TK1: variants seen among roughly 807,000 people sequenced by gnomAD.
TK1 encodes thymidine kinase 1.
A neutral mutation model predicts 22.4 loss-of-function variants in TK1; 13 were observed. The ratio of observed to expected loss-of-function variants is 0.58; its 90% CI spans 0.38 to 0.92. The LOEUF (loss-of-function observed/expected upper bound fraction) is 0.92. Ranked by LOEUF, TK1 falls within the 40% of genes least tolerant of loss-of-function variation. The probability of loss-of-function intolerance (pLI) is 0.00; values close to 1 mark genes in which losing one functional copy is unlikely to be tolerated. For missense variants in TK1, 251 were observed against 315.7 expected, an observed-to-expected ratio of 0.80 and a Z score of 1.55; for synonymous variants, 134 against 125.4, an observed-to-expected ratio of 1.07 and a Z score of -0.46.
chr17:78,174,861 G>A lies in TK1; in HGVS notation c.603C>T (p.Asp201=), dbSNP rs373667140. The change falls in exon 7 of 7, where the codon GAC becomes GAT. Residue 201 remains aspartate, a synonymous_variant. Coordinates refer to ENST00000301634, the MANE Select transcript of TK1 (RefSeq NM_003258.5). ...CTGGCACTGGGCAGTTCTCTTTGTT[G>A]TCCGGCCCGGCAGGCTGGCCTGAGG... ...KKASGQPAGP[D]NKENCPVPGK... 6.8e-6 allele frequency: 11 copies of A among 1,613,724 alleles called. No homozygotes were observed. Among genetic ancestry groups the A allele is most frequent in the Non-Finnish European group, 5.9e-6 (7 of 1,179,842 alleles).
intron 3 of TK1, among the ~76,000 whole-genome samples, chr17:78,184,264 G>A (rs1262629304): frequency 6.6e-6 from 1 of 152,176 alleles, no homozygotes; most frequent in Non-Finnish European, 1.5e-5. Context: ...AAGGCCACAC[G>A]CCGGGTGGAT....
intron 4 of TK1, among the ~76,000 whole-genome samples, chr17:78,181,965 C>T (rs79051083): frequency 0.014 from 2,183 of 151,968 alleles, 58 homozygotes; most frequent in African/African-American, 0.049. Context: ...CTATGTTGCC[C>T]AGGTGAGTCT....
At position 78,184,013 on chromosome 17, in the gene TK1, T is replaced by C. The variant is rs149169445; in HGVS notation, c.209+1042A>G. Among the ~76,000 whole-genome samples, 65 of 152,348 alleles carry C rather than the reference T, an allele frequency of 4.3e-4. 1 individual carries two copies. Among genetic ancestry groups the C allele is most frequent in the African/African-American group, 1.3e-3 (55 of 41,582 alleles). On this transcript the variant is annotated intron_variant, in intron 3 of 6. Coordinates refer to ENST00000301634, the MANE Select transcript of TK1 (RefSeq NM_003258.5). ...CCCGGATCTGACTGACTCCAGAAGTTGTACTTCCAACAGCTGGAACGAAGT... is the reference window on the plus strand; with the variant it reads ...CCCGGATCTGACTGACTCCAGAAGTCGTACTTCCAACAGCTGGAACGAAGT...
chr17:78,175,021 C>T lies in TK1; in HGVS notation c.513+29G>A, dbSNP rs374387678. The T allele has an allele frequency of 1.9e-5, 31 of 1,611,510 alleles. No individual in the cohort carries two copies. In the Admixed American group the frequency reaches 2.3e-4, roughly 12 times the overall value. The stretch of plus-strand genomic sequence containing the variant: ...AGGCAGAGCCATACCCCCACCCCGC[C>T]GGCCTGCAGGGAAGGCAGGTGGAGC... On this transcript the variant is annotated intron_variant, in intron 6 of 6. Transcript: ENST00000301634.
chr17:78,175,016 C>T (rs769339359), intron 6 of TK1, 34 bp downstream of exon 6: 1 of 1,611,014 alleles, frequency 6.2e-7, no homozygotes, highest in Non-Finnish European at 8.5e-7. Context: ...ATACCCCCAC[C>T]CCGCCGGCCT....
In TK1 at chr17:78,175,639, AAG is replaced by A. The variant is rs375127389; in HGVS notation, c.304-23_304-22del. 930 of 1,609,130 alleles carry A rather than the reference AAG, an allele frequency of 5.8e-4. 3 individuals are homozygous for A. The African/African-American group carries it at 8.4e-3, about 15-fold the overall frequency. ...GGGAACTGGAAAGGGCACGTGGAGA[AAG>A]AGTGTGAGAGCTTCCACCCCAGCAG... On this transcript the variant is annotated intron_variant, in intron 4 of 6. Coordinates refer to ENST00000301634, the MANE Select transcript of TK1 (RefSeq NM_003258.5).
chr17:78,183,490 C>T (rs868159084), intron 3 of TK1, among the ~76,000 whole-genome samples: 35 of 152,170 alleles, frequency 2.3e-4, no homozygotes, highest in African/African-American at 7.2e-4. Flanking sequence ...CTCAGGAGTT[C>T]GAGACCAGCC....
chr17:78,186,706 AGGGAAGGGGAGGGG>A, intron 2 of TK1, 67 bp downstream of exon 2: 1 of 885,762 alleles, frequency 1.1e-6, no homozygotes, highest in Non-Finnish European at 1.5e-6. Context: ...AGGGGAGGGG[AGGGAAGGGGAGGGG>A]AGGGACGGGA....
upstream of TK1, chr17:78,187,053 C>T (rs769335233): frequency 3.9e-6 from 6 of 1,550,044 alleles, no homozygotes; most frequent in East Asian, 1.4e-4. Context: ...GCAGTAAGCC[C>T]CTGGTTCCCG....
At chr17:78,175,435 G>A (rs1460566676) in intron 5 of TK1, 94 bp downstream of exon 5, 1 of 1,302,126 alleles carries the variant, frequency 7.7e-7, no homozygotes, top group African/African-American at 1.5e-5. Flanking sequence ...TGTGGTGGCT[G>A]AGCCCTGGTC....
chr17:78,183,449 T>C (rs11653181), intron 3 of TK1, among the ~76,000 whole-genome samples: 18,063 of 152,178 alleles, frequency 0.12, 1,604 homozygotes, highest in East Asian at 0.36. Flanking sequence ...CCGTAATCTT[T>C]GGGGAGGCCA....
chr17:78,185,400 G>A (rs1395021223), intron 2 of TK1, among the ~76,000 whole-genome samples: 1 of 152,182 alleles, frequency 6.6e-6, no homozygotes, highest in Non-Finnish European at 1.5e-5. Context: ...GTCCCAGGAA[G>A]TGTGGGAGGA....
chr17:78,174,955 C>T lies in TK1; in HGVS notation c.514-5G>A, dbSNP rs756701336. ...TGCTCCCCCAATCACCTCGACCTGG[C>T]CGCAGGGACAGGGGATGGGTGAAGG... On this transcript the variant is annotated splice_polypyrimidine_tract_variant and splice_region_variant and intron_variant, in intron 6 of 6. Coordinates refer to ENST00000301634, the MANE Select transcript of TK1 (RefSeq NM_003258.5). 5 of 1,611,936 alleles carry T rather than the reference C, an allele frequency of 3.1e-6. No individual in the cohort carries two copies. Among genetic ancestry groups the T allele is most frequent in the Non-Finnish European group, 4.2e-6 (5 of 1,178,486 alleles).
intron 2 of TK1, 121 bp from the exon 3 acceptor site, chr17:78,185,286 C>A: frequency 1.4e-6 from 1 of 701,452 alleles, no homozygotes. Flanking sequence ...CCCACCACAG[C>A]CAGAAAAGAG....
intron 2 of TK1, among the ~76,000 whole-genome samples, chr17:78,186,451 G>A (rs1193313939): frequency 6.6e-6 from 1 of 152,018 alleles, no homozygotes; most frequent in Non-Finnish European, 1.5e-5. Flanking sequence ...CTGGCCTACA[G>A]GGGACACAAC....
In TK1 at chr17:78,178,394, C is replaced by T. The variant is rs762543; in HGVS notation, c.304-2776G>A. On this transcript the variant is annotated intron_variant, in intron 4 of 6. Coordinates refer to ENST00000301634, the MANE Select transcript of TK1 (RefSeq NM_003258.5). ...GAGCAGTGTGAGCACCTGTGTGTCT[C>T]GCCCGGGGTACAAAGAAGCACAGAA... is the stretch of plus-strand genomic sequence containing the variant. Among the ~76,000 whole-genome samples, 723 of 152,234 alleles carry T rather than the reference C, an allele frequency of 4.7e-3. 5 individuals are homozygous for T. Among genetic ancestry groups the T allele is most frequent in the African/African-American group, 0.016 (652 of 41,528 alleles).
chr17:78,180,903 G>A (rs1351958584), intron 4 of TK1, among the ~76,000 whole-genome samples: 1 of 152,188 alleles, frequency 6.6e-6, no homozygotes, highest in East Asian at 1.9e-4. Context: ...TTAGAGAGAT[G>A]GCGGCCTTCC....
Position 78,174,600 on chromosome 17 carries a change from G to A in TK1, c.*159C>T, listed in dbSNP as rs1027208070. On this transcript the variant is annotated 3_prime_UTR_variant, in exon 7 of 7. Coordinates refer to ENST00000301634, the MANE Select transcript of TK1 (RefSeq NM_003258.5). Reference sequence around the variant, plus strand: ...GTGGGTAGGAGAGGAGGGAGCATGCGGCAGGTGGGGCAGCCACACAAAGGA... The same window carrying A: ...GTGGGTAGGAGAGGAGGGAGCATGCAGCAGGTGGGGCAGCCACACAAAGGA... 44 of 763,062 alleles carry A rather than the reference G, an allele frequency of 5.8e-5. No homozygotes were observed. In the Middle Eastern group the frequency reaches 1.9e-3, roughly 33 times the overall value. 47.3% of individuals were successfully genotyped at this position (763,062 alleles called of 1,614,324 possible). A position where few individuals can be genotyped will look rare whatever the true frequency, so the allele number is the denominator to read the frequency against.
In TK1 at chr17:78,174,542, C is replaced by T. The variant is rs1350573555; in HGVS notation, c.*217G>A. On this transcript the variant is annotated 3_prime_UTR_variant, in exon 7 of 7. Transcript: ENST00000301634. ...GCCAGCTCCAGCCTGGGCGATCGTC[C>T]CAGCAGCTGAGAGGGAAGCTTTAAG... The T allele has an allele frequency of 3.4e-6, 2 of 590,976 alleles. No individual in the cohort carries two copies. The highest frequency in any genetic ancestry group is 5.8e-6 in the Non-Finnish European group (2 of 343,834). The allele number at this position is 590,976 out of a possible 1,614,324, so 36.6% of individuals were successfully genotyped here.
Sources: allele counts gnomAD v4.1 joint callset (sites outside exome capture counted in the v4.1 genomes callset), GRCh38; gene constraint gnomAD v4.1.1; transcripts MANE v1.5; gene names NCBI Gene and HGNC (gene_info 2026-07-23, HGNC 2026-07-21).